Variants in FNIP1 observed in about 807,000 individuals in gnomAD.
The protein encoded by FNIP1 is folliculin interacting protein 1, also known as folliculin-interacting protein 1.
FNIP1 carries 40 observed loss-of-function variants against 124.5 expected under a neutral mutation model. The ratio of observed to expected loss-of-function variants is 0.32; its 90% CI spans 0.25 to 0.42. The LOEUF (loss-of-function observed/expected upper bound fraction) is 0.42, where lower values mean the gene tolerates loss of function less well. Among genes scored for constraint, FNIP1 ranks in the 10% least tolerant of loss-of-function variants. FNIP1 has a pLI of 1.00. For missense variants in FNIP1, 1,176 were observed against 1,403.7 expected (o/e 0.84, Z 2.59); for synonymous variants, 472 against 470.6 (o/e 1.00, Z -0.04).
chr5:131,744,771 C>A, intron 1 of FNIP1, 81 bp from the exon 2 acceptor site: 1 of 1,190,996 alleles, frequency 8.4e-7, no homozygotes, highest in Non-Finnish European at 1.1e-6. Context: ...AGAAATAAAT[C>A]TATATAATAA....
In FNIP1 at chr5:131,671,065, GTAA is replaced by G. The variant is rs1258249740; in HGVS notation, c.2939+437_2940-435del. ...GCCTCACAAGTCCAAAGCTAGGTATGTAATGTTTCTCAAGCATGAATATTCTCC... is the reference window on the plus strand; with the variant it reads ...GCCTCACAAGTCCAAAGCTAGGTATGTGTTTCTCAAGCATGAATATTCTCC... On this transcript the variant is annotated intron_variant, in intron 14 of 17. Transcript: ENST00000510461. Among the ~76,000 whole-genome samples, 6 of 152,304 alleles carry G rather than the reference GTAA, an allele frequency of 3.9e-5. 1 individual carries two copies. Among genetic ancestry groups the G allele is most frequent in the Admixed American group, 3.3e-4 (5 of 15,296 alleles).
intron 1 of FNIP1, among the ~76,000 whole-genome samples, chr5:131,757,815 G>C (rs1193978510): frequency 6.6e-6 from 1 of 152,166 alleles, no homozygotes; most frequent in Admixed American, 6.6e-5. Context: ...GAATAAGATA[G>C]GAATGTCTAA....
intron 13 of FNIP1, among the ~76,000 whole-genome samples, chr5:131,674,145 C>G (rs1275307045): frequency 2.6e-5 from 4 of 152,138 alleles, no homozygotes; most frequent in African/African-American, 7.2e-5. Flanking sequence ...CACCAGCTCC[C>G]ATGTTTGTAA....
chr5:131,769,662 T>C (rs1771560507), intron 1 of FNIP1, among the ~76,000 whole-genome samples: 1 of 152,210 alleles, frequency 6.6e-6, no homozygotes, highest in Non-Finnish European at 1.5e-5. Context: ...AATGGAACCA[T>C]GAGGGACCGG....
At chr5:131,701,809 C>T (rs1233149100) in intron 10 of FNIP1, among the ~76,000 whole-genome samples, 1 of 152,198 alleles carries the variant, frequency 6.6e-6, no homozygotes, top group Non-Finnish European at 1.5e-5. Context: ...GTTAATCTCC[C>T]CAAAGTACAA....
At chr5:131,778,892 A>G (rs1432205189) in intron 1 of FNIP1, among the ~76,000 whole-genome samples, 1 of 125,250 alleles carries the variant, frequency 8.0e-6, no homozygotes, top group African/African-American at 3.1e-5. Context: ...AAACTATCGC[A>G]AGAACAAAAA....
intron 1 of FNIP1, among the ~76,000 whole-genome samples, chr5:131,782,229 T>C (rs1399159553): frequency 6.6e-6 from 1 of 152,110 alleles, no homozygotes; most frequent in African/African-American, 2.4e-5. Context: ...GTGATTCTTC[T>C]GATAAATCTG....
intron 11 of FNIP1, among the ~76,000 whole-genome samples, chr5:131,681,762 TA>T (rs34881164): frequency 3.0e-4 from 33 of 109,392 alleles, no homozygotes; most frequent in East Asian, 8.3e-4. Flanking sequence ...TGCCAATTTC[TA>T]AAAAAAAAAA....
chr5:131,732,146 C>G (rs981553434), intron 2 of FNIP1, among the ~76,000 whole-genome samples: 26 of 152,158 alleles, frequency 1.7e-4, no homozygotes, highest in Admixed American at 1.0e-3. Flanking sequence ...TGTGATATTC[C>G]TAAAAGTATT....
At chr5:131,789,289 A>G (rs1772321478) in intron 1 of FNIP1, among the ~76,000 whole-genome samples, 1 of 152,198 alleles carries the variant, frequency 6.6e-6, no homozygotes, top group Non-Finnish European at 1.5e-5. Flanking sequence ...AAAAATACAT[A>G]TATTTAAAAT....
At chr5:131,680,023 T>C (rs1335116887) in intron 11 of FNIP1, among the ~76,000 whole-genome samples, 1 of 152,214 alleles carries the variant, frequency 6.6e-6, no homozygotes, top group Non-Finnish European at 1.5e-5. Flanking sequence ...AACAATGCTG[T>C]CTAGTAGAAC....
intron 7 of FNIP1, 60 bp from the exon 8 acceptor site, chr5:131,709,332 G>T: frequency 2.1e-6 from 3 of 1,420,868 alleles, no homozygotes; most frequent in African/African-American, 1.4e-5. Flanking sequence ...TGGATGAACA[G>T]CTCCTTTTAA....
At chr5:131,723,780 TA>T (rs1274849947) in intron 3 of FNIP1, among the ~76,000 whole-genome samples, 1 of 152,190 alleles carries the variant, frequency 6.6e-6, no homozygotes, top group Non-Finnish European at 1.5e-5. Flanking sequence ...TACATAGGTA[TA>T]AAAGTGCCAT....
At chr5:131,748,453 G>C (rs544102226) in intron 1 of FNIP1, among the ~76,000 whole-genome samples, 1 of 152,176 alleles carries the variant, frequency 6.6e-6, no homozygotes, top group African/African-American at 2.4e-5. Flanking sequence ...CAGCACTTTG[G>C]GAGGCTGAGG....
intron 2 of FNIP1, among the ~76,000 whole-genome samples, chr5:131,738,538 G>A (rs1770396777): frequency 6.6e-6 from 1 of 152,176 alleles, no homozygotes; most frequent in Admixed American, 6.5e-5. Flanking sequence ...CTGTTGCCCA[G>A]GCTGGAGTGC....
intron 1 of FNIP1, among the ~76,000 whole-genome samples, chr5:131,770,150 T>C (rs1771579308): frequency 6.6e-6 from 1 of 152,184 alleles, no homozygotes; most frequent in East Asian, 1.9e-4. Context: ...CTGGAAGCCA[T>C]AGCAAGCTTG....
chr5:131,690,464 T>C (rs1768442504), intron 11 of FNIP1, among the ~76,000 whole-genome samples: 1 of 152,106 alleles, frequency 6.6e-6, no homozygotes, highest in Non-Finnish European at 1.5e-5. Context: ...GCTGTTCTTG[T>C]GATAGTGACT....
intron 15 of FNIP1, 24 bp from the exon 16 acceptor site, chr5:131,652,023 C>A (rs551127145): frequency 6.3e-7 from 1 of 1,592,478 alleles, no homozygotes; most frequent in Non-Finnish European, 8.6e-7. Flanking sequence ...AATAATTCAT[C>A]TTATGTTTAG....
At chr5:131,666,942 T>C (rs557847874) in intron 15 of FNIP1, among the ~76,000 whole-genome samples, 2 of 152,240 alleles carry the variant, frequency 1.3e-5, no homozygotes, top group African/African-American at 4.8e-5. Context: ...AAGATAAGAA[T>C]GCATTAGAAG....
Sources: allele counts gnomAD v4.1 joint callset (sites outside exome capture counted in the v4.1 genomes callset), GRCh38; gene constraint gnomAD v4.1.1; transcripts MANE v1.5; gene names NCBI Gene and HGNC (gene_info 2026-07-23, HGNC 2026-07-21).